MYO7A: variants seen among roughly 807,000 people sequenced by gnomAD.
MYO7A encodes unconventional myosin-VIIa.
MYO7A carries 210 observed loss-of-function variants against 263.8 expected under a neutral mutation model. The ratio of observed to expected loss-of-function variants is 0.80; its 90% CI spans 0.71 to 0.89. The LOEUF (loss-of-function observed/expected upper bound fraction) is 0.89, where lower values mean the gene tolerates loss of function less well. Ranked by LOEUF, MYO7A falls within the 40% of genes least tolerant of loss-of-function variation. MYO7A has a pLI of 0.00. For synonymous variants in MYO7A, 1,239 were observed against 1,197.3 expected, an observed-to-expected ratio of 1.03 and a Z score of -0.72; for missense variants, 2,820 against 2,968.3, an observed-to-expected ratio of 0.95 and a Z score of 1.16.
chr11:77,200,409 C>T (rs886714103), intron 35 of MYO7A, among the ~76,000 whole-genome samples: 6 of 152,166 alleles, frequency 3.9e-5, no homozygotes, highest in African/African-American at 1.4e-4. Flanking sequence ...GCAGGGGGTG[C>T]CAGGCTCTTT....
chr11:77,176,720 C>A (rs1164249784), intron 18 of MYO7A, among the ~76,000 whole-genome samples: 1 of 152,180 alleles, frequency 6.6e-6, no homozygotes, highest in African/African-American at 2.4e-5. Context: ...GGCTGAGCAT[C>A]TCCTCTGTCA....
chr11:77,195,877 C>A (rs1278139233), intron 32 of MYO7A, among the ~76,000 whole-genome samples: 2 of 152,242 alleles, frequency 1.3e-5, no homozygotes, highest in Non-Finnish European at 2.9e-5. Flanking sequence ...GAGCCTGGAG[C>A]TCCGAGATCA....
chr11:77,183,191 G>C, intron 26 of MYO7A, 34 bp downstream of exon 26: 2 of 1,529,966 alleles, frequency 1.3e-6, no homozygotes, highest in African/African-American at 2.8e-5. Flanking sequence ...GGCAGCCCAG[G>C]GGTGGCTGCC....
chr11:77,201,748 T>A, intron 36 of MYO7A, 110 bp downstream of exon 36: 1 of 1,223,258 alleles, frequency 8.2e-7, no homozygotes, highest in Non-Finnish European at 1.1e-6. Context: ...GTGAAGATGA[T>A]CTTGGGATCT....
intron 26 of MYO7A, among the ~76,000 whole-genome samples, chr11:77,183,956 G>A (rs1361298021): frequency 6.6e-6 from 1 of 152,130 alleles, no homozygotes; most frequent in Non-Finnish European, 1.5e-5. Flanking sequence ...ACTCCGTGGG[G>A]TCCTGGGAAG....
At chr11:77,201,785 C>A in intron 36 of MYO7A, 147 bp downstream of exon 36, 1 of 992,288 alleles carries the variant, frequency 1.0e-6, no homozygotes, top group Non-Finnish European at 1.4e-6. Context: ...AAAGTTGGGG[C>A]AGTGCTCAAA....
chr11:77,208,429 G>A lies in MYO7A; in HGVS notation c.5857-1G>A. ...GTGTGCTTCGATGGCCCTGACCCCA[G>A]GTCCTCAGCGTTCCTGAGAATGACT... On this transcript the variant is annotated splice_acceptor_variant, in intron 42 of 48. Transcript: ENST00000409709. LOFTEE classifies it high-confidence loss of function. 3.1e-6 allele frequency: 5 copies of A among 1,610,244 alleles called. No homozygotes were observed. The highest frequency in any genetic ancestry group is 4.2e-6 in the Non-Finnish European group (5 of 1,176,886).
At chr11:77,142,135 G>A (rs1180137191) in intron 2 of MYO7A, among the ~76,000 whole-genome samples, 5 of 152,228 alleles carry the variant, frequency 3.3e-5, no homozygotes, top group Non-Finnish European at 5.9e-5. Context: ...GCCAGATGCC[G>A]CAGGGGACAC....
chr11:77,207,120 G>A, intron 41 of MYO7A, 169 bp from the exon 42 acceptor site: 1 of 553,196 alleles, frequency 1.8e-6, no homozygotes, highest in East Asian at 2.9e-5. Context: ...GGAAGACCCA[G>A]ACAGGAGTAG....
At chr11:77,186,547 T>G (rs1405459230) in intron 27 of MYO7A, among the ~76,000 whole-genome samples, 2 of 152,208 alleles carry the variant, frequency 1.3e-5, no homozygotes, top group African/African-American at 4.8e-5. Flanking sequence ...TGGAGACAGC[T>G]TCTTGCTTTG....
rs1476158131 is a variant in MYO7A at position 77,205,432 on chromosome 11, C to T, written c.5481-30C>T. 9.0e-6 allele frequency: 14 copies of T among 1,547,628 alleles called. No homozygotes were observed. The East Asian group carries it at 9.8e-5, about 11-fold the overall frequency. ...TCCTGTGACTCCCGATGGCAGCTGC[C>T]CCTGCTGGAGCCCACGCCTCCTCCT... On this transcript the variant is annotated intron_variant, in intron 39 of 48. Coordinates refer to ENST00000409709, the MANE Select transcript of MYO7A (RefSeq NM_000260.4).
chr11:77,149,332 G>A (rs1555055936), intron 4 of MYO7A, among the ~76,000 whole-genome samples: 1 of 152,200 alleles, frequency 6.6e-6, no homozygotes, highest in African/African-American at 2.4e-5. Context: ...GTCTGCAGGA[G>A]TGATGTCACT....
Position 77,133,600 on chromosome 11 carries a change from G to A in MYO7A, c.18+2948G>A, listed in dbSNP as rs375849138. Among the ~76,000 whole-genome samples, 24 of 152,296 alleles carry A rather than the reference G, an allele frequency of 1.6e-4. No individual in the cohort carries two copies. The South Asian group carries it at 5.0e-3, about 32-fold the overall frequency. ...ATCCTTCTACTTTTAACCTATTTGT[G>A]TCTTTGGATCTAAAGTGGATCTCTT... is the stretch of plus-strand genomic sequence containing the variant. On this transcript the variant is annotated intron_variant, in intron 2 of 48. Transcript: ENST00000409709.
chr11:77,156,106 A>C lies in MYO7A; in HGVS notation c.470+15A>C, dbSNP rs782179124. 6.2e-7 allele frequency: 1 copy of C among 1,612,526 alleles called. No homozygotes were observed. The highest frequency in any genetic ancestry group is 8.5e-7 in the Non-Finnish European group (1 of 1,179,326). ...TGCATCATCAGGTGGGCGGCCCAGC[A>C]CCTGTGTGGAGCTCCAGGCTTAGGA... On this transcript the variant is annotated intron_variant, in intron 5 of 48. Coordinates refer to ENST00000409709, the MANE Select transcript of MYO7A (RefSeq NM_000260.4).
intron 45 of MYO7A, 130 bp downstream of exon 45, chr11:77,211,467 C>A: frequency 9.4e-7 from 1 of 1,059,606 alleles, no homozygotes; most frequent in Non-Finnish European, 1.3e-6. Flanking sequence ...CTTGATGAGG[C>A]CGCCCACCCT....
At chr11:77,207,877 A>C (rs1452416029) in intron 42 of MYO7A, among the ~76,000 whole-genome samples, 2 of 152,012 alleles carry the variant, frequency 1.3e-5, no homozygotes, top group Non-Finnish European at 2.9e-5. Flanking sequence ...CCCTGCCACC[A>C]TTTCACATCA....
chr11:77,194,527 A>G lies in MYO7A; in HGVS notation c.4323+3A>G. The G allele has an allele frequency of 1.3e-6, 2 of 1,588,992 alleles. No individual in the cohort carries two copies. Among genetic ancestry groups the G allele is most frequent in the Non-Finnish European group, 1.7e-6 (2 of 1,168,150 alleles). ...TGGCCATCGCCGCCCACAAGAAGGT[A>G]GAAGGGCTGAGAGGAGTCCTAGAGA... On this transcript the variant is annotated splice_donor_region_variant and intron_variant, in intron 32 of 48. Transcript: ENST00000409709.
chr11:77,211,231 T>C lies in MYO7A; in HGVS notation c.6131T>C (p.Val2044Ala). Residue 2044 changes from valine (V) to alanine (A), a missense_variant, in exon 45 of 49, where the codon GTC becomes GCC. Physicochemically the swap from Val to Ala is moderately conservative, Grantham distance 64. Transcript: ENST00000409709. ...VLQLGALIYR[V>A]KFEEDKSYFP... The stretch of plus-strand genomic sequence containing the variant: ...CAGCTGGGGGCGCTGATCTACAGGG[T>C]CAAGTTCGAGGAGGACAAGTCCTAC... 1 of 1,588,558 alleles carries C rather than the reference T, an allele frequency of 6.3e-7. No homozygotes were observed.
rs1591224316 is a variant in MYO7A at position 77,147,820 on chromosome 11, A to G, written c.155A>G (p.Asn52Ser). 4 of 1,610,398 alleles carry G rather than the reference A, an allele frequency of 2.5e-6. No homozygotes were observed. Among genetic ancestry groups the G allele is most frequent in the African/African-American group, 2.7e-5 (2 of 74,854 alleles). Reference sequence around the variant, plus strand: ...CAGGAACACTGGATCTCTCCGCAGAACGCAACGCACATCAAGCCTATGCAC... The same window carrying G: ...CAGGAACACTGGATCTCTCCGCAGAGCGCAACGCACATCAAGCCTATGCAC... ...EDNEHWISPQ[N>S]ATHIKPMHPT... The change falls in exon 4 of 49, where the codon AAC becomes AGC. Residue 52 changes from asparagine (N) to serine (S), a missense_variant. By Grantham distance (46) the Asn-to-Ser change is conservative. Coordinates refer to ENST00000409709, the MANE Select transcript of MYO7A (RefSeq NM_000260.4).
Sources: gnomAD v4.1 joint callset for allele counts (sites outside exome capture counted in the v4.1 genomes callset) on GRCh38, gnomAD v4.1.1 for gene constraint, MANE v1.5 for transcripts, NCBI Gene and HGNC (gene_info 2026-07-23, HGNC 2026-07-21) for gene names.